The following CRACDL variants were observed in gnomAD, a reference collection of about 807,000 sequenced individuals.
The protein encoded by CRACDL is CRACD like.
CRACDL carries 26 observed loss-of-function variants against 70.6 expected under a neutral mutation model. The observed-to-expected ratio is 0.37, with a 90% CI of 0.27 to 0.51. CRACDL has a LOEUF of 0.51. Among genes scored for constraint, CRACDL ranks in the 20% least tolerant of loss-of-function variants. CRACDL has a pLI of 0.94. For synonymous variants in CRACDL, 618 were observed against 615.2 expected (o/e 1.00, Z -0.07); for missense variants, 1,283 against 1,376.9 (o/e 0.93, Z 1.08).
intron 1 of CRACDL, among the ~76,000 whole-genome samples, chr2:98,903,174 C>G (rs142043321): frequency 0.028 from 4,265 of 152,214 alleles, 82 homozygotes; most frequent in Middle Eastern, 0.065. Context: ...CTTCTCCGAG[C>G]CCCGGGGCTT....
chr2:98,881,803 G>A (rs1475867321), intron 1 of CRACDL, among the ~76,000 whole-genome samples: 2 of 152,224 alleles, frequency 1.3e-5, no homozygotes, highest in African/African-American at 4.8e-5. Context: ...CAGCATCATG[G>A]CGGGGAGAGG....
At chr2:98,930,287 C>T (rs551566080) in intron 1 of CRACDL, among the ~76,000 whole-genome samples, 4 of 135,100 alleles carry the variant, frequency 3.0e-5, no homozygotes, top group East Asian at 2.0e-4. Context: ...ACCACATCTC[C>T]GTCCCCACCC....
chr2:98,923,464 T>A (rs1708849009), intron 1 of CRACDL, among the ~76,000 whole-genome samples: 3 of 152,110 alleles, frequency 2.0e-5, no homozygotes, highest in Admixed American at 6.5e-5. Flanking sequence ...CTACTCAAAT[T>A]GCAAGCAAAG....
intron 1 of CRACDL, among the ~76,000 whole-genome samples, chr2:98,901,996 G>A (rs573785283): frequency 2.0e-5 from 3 of 152,146 alleles, no homozygotes; most frequent in East Asian, 1.9e-4. Flanking sequence ...CGAGAAAGCG[G>A]GACGTCATAG....
At chr2:98,835,428 T>C (rs1449103323) in intron 3 of CRACDL, among the ~76,000 whole-genome samples, 5 of 152,122 alleles carry the variant, frequency 3.3e-5, no homozygotes, top group Admixed American at 6.5e-5. Flanking sequence ...AGATTTCTCA[T>C]TGGACAAGAA....
chr2:98,867,948 ATTTG>A (rs1235847967), intron 1 of CRACDL, among the ~76,000 whole-genome samples: 1 of 152,168 alleles, frequency 6.6e-6, no homozygotes. Flanking sequence ...GTGGAGCTGA[ATTTG>A]TTTTTGTTTT....
chr2:98,840,729 T>C (rs1246379540), intron 2 of CRACDL: 1 of 152,186 alleles, frequency 6.6e-6, no homozygotes, highest in Non-Finnish European at 1.5e-5. Flanking sequence ...AAAAGAGCTG[T>C]AATACAACTT....
intron 1 of CRACDL, among the ~76,000 whole-genome samples, chr2:98,934,097 C>T (rs1277728420): frequency 2.0e-5 from 3 of 152,150 alleles, no homozygotes; most frequent in African/African-American, 7.2e-5. Flanking sequence ...ATTAGGAATC[C>T]ACATATGAAT....
At position 98,799,081 on chromosome 2, in the gene CRACDL, C is replaced by G. The variant is rs186513768; in HGVS notation, c.2417-1544G>C. 2.3e-3 allele frequency among the ~76,000 whole-genome samples: 353 copies of G among 152,298 alleles called. 2 individuals are homozygous for G. The highest frequency in any genetic ancestry group is 3.5e-3 in the Non-Finnish European group (237 of 68,006). On this transcript the variant is annotated intron_variant, in intron 7 of 9. Transcript: ENST00000397899. ...TGCCTGCCACGGGATAAAACAAAGG[C>G]TGAAACTGATCTCCAACCACCTGGC...
intron 1 of CRACDL, among the ~76,000 whole-genome samples, chr2:98,857,117 G>T (rs1706730900): frequency 6.6e-6 from 1 of 152,108 alleles, no homozygotes; most frequent in Non-Finnish European, 1.5e-5. Flanking sequence ...GTCTCTCCAG[G>T]TGCAATTTGC....
At chr2:98,847,024 T>C (rs1706287720) in intron 1 of CRACDL, among the ~76,000 whole-genome samples, 1 of 152,208 alleles carries the variant, frequency 6.6e-6, no homozygotes, top group South Asian at 2.1e-4. Flanking sequence ...ACTGGGGCAA[T>C]TTAATGGAAA....
At chr2:98,880,975 AC>A (rs997866695) in intron 1 of CRACDL, among the ~76,000 whole-genome samples, 1 of 151,402 alleles carries the variant, frequency 6.6e-6, no homozygotes, top group Non-Finnish European at 1.5e-5. Context: ...GTGAGCTAAA[AC>A]CCCCTGGAGA....
chr2:98,879,179 T>C (rs1219516667), intron 1 of CRACDL, among the ~76,000 whole-genome samples: 2 of 152,188 alleles, frequency 1.3e-5, no homozygotes, highest in Non-Finnish European at 2.9e-5. Flanking sequence ...CCCTAATACA[T>C]ATGCACAGTG....
At position 98,796,245 on chromosome 2, in the gene CRACDL, T is replaced by A; in HGVS notation, c.2624A>T (p.Asp875Val). 6 of 1,614,126 alleles carry A rather than the reference T, an allele frequency of 3.7e-6. No individual in the cohort carries two copies. The highest frequency in any genetic ancestry group is 1.6e-4 in the Middle Eastern group (1 of 6,062). ...CAGGAAAGACTTGCTGCGAACAAAG[T>A]CAGCTTGCTTCACAGGCTCCTGTTG... is the stretch of plus-strand genomic sequence containing the variant. Reference protein sequence around the residue: ...ERGQEPVKQADFVRSKSFLIT... With the variant: ...ERGQEPVKQAVFVRSKSFLIT... The change falls in exon 9 of 10, where the codon GAC becomes GTC. Residue 875 changes from aspartate to valine, a missense_variant. This residue lies in a region of CRACDL where 921 missense variants were observed against 881.9 expected (regional missense o/e 1.04). Transcript: ENST00000397899.
intron 1 of CRACDL, among the ~76,000 whole-genome samples, chr2:98,927,576 A>G (rs935789396): frequency 2.6e-5 from 4 of 152,110 alleles, no homozygotes; most frequent in Non-Finnish European, 4.4e-5. Context: ...TGGTATATAC[A>G]CAGGAAATCT....
At chr2:98,910,323 C>G (rs1304182550) in intron 1 of CRACDL, among the ~76,000 whole-genome samples, 1 of 152,018 alleles carries the variant, frequency 6.6e-6, no homozygotes. Context: ...AGTTCGAGAC[C>G]AGCCTGACCA....
chr2:98,902,682 G>A (rs58738020), intron 1 of CRACDL, among the ~76,000 whole-genome samples: 1,571 of 152,224 alleles, frequency 0.01, 33 homozygotes, highest in East Asian at 0.074. Context: ...AGGACAGAGG[G>A]CCCTGTGCTA....
intron 8 of CRACDL, among the ~76,000 whole-genome samples, chr2:98,796,603 C>G (rs1703832677): frequency 6.6e-6 from 1 of 152,188 alleles, no homozygotes. Context: ...TTATAGATGT[C>G]CCAAACTGGT....
In CRACDL at chr2:98,914,514, C is replaced by T. The variant is rs547471087; in HGVS notation, c.-11+21424G>A. Among the ~76,000 whole-genome samples the T allele has an allele frequency of 2.6e-5, 4 of 152,344 alleles. No homozygotes were observed. In the East Asian group the frequency reaches 5.8e-4, roughly 22 times the overall value. ...GCTGAGGTGGGGGGCTCTAAGATTA[C>T]ATGGCTGGATATGGGCCAGGACAGC... On this transcript the variant is annotated intron_variant, in intron 1 of 9. Transcript: ENST00000397899.
Sources: gnomAD v4.1 joint callset for allele counts (sites outside exome capture counted in the v4.1 genomes callset) on GRCh38, gnomAD v4.1.1 for gene constraint, gnomAD v4.1.1 regional missense constraint, MANE v1.5 for transcripts, NCBI Gene and HGNC (gene_info 2026-07-23, HGNC 2026-07-21) for gene names.